The following DOCK3 variants were observed in gnomAD, a reference collection of about 807,000 sequenced individuals.
The protein encoded by DOCK3 is dedicator of cytokinesis 3.
Under a neutral mutation model 265.6 loss-of-function variants are expected in DOCK3, and 60 were observed. That is an observed-to-expected ratio of 0.23 (90% CI 0.18 to 0.28). The LOEUF (loss-of-function observed/expected upper bound fraction) is 0.28, where lower values mean the gene tolerates loss of function less well. Ranked by LOEUF, DOCK3 falls within the 10% of genes least tolerant of loss-of-function variation. The pLI is 1.00. For synonymous variants in DOCK3, 881 were observed against 938.0 expected, an observed-to-expected ratio of 0.94 and a Z score of 1.11; for missense variants, 1,981 against 2,594.3, an observed-to-expected ratio of 0.76 and a Z score of 5.14.
At chr3:50,889,332 CT>C (rs1466849469) in intron 3 of DOCK3, among the ~76,000 whole-genome samples, 1 of 151,924 alleles carries the variant, frequency 6.6e-6, no homozygotes, top group African/African-American at 2.4e-5. Flanking sequence ...AGTTCTCCCA[CT>C]TTAGGCTCCT....
chr3:51,220,709 GTATA>G lies in DOCK3; in HGVS notation c.1253-4919_1253-4916del, dbSNP rs3073874. ...TATATGTGTGTGTGTGTGTGTGTGTGTATATATATATATATATATATATAAAATA... is the reference window on the plus strand; with the variant it reads ...TATATGTGTGTGTGTGTGTGTGTGTGTATATATATATATATATATAAAATA... On this transcript the variant is annotated intron_variant, in intron 14 of 52. Coordinates refer to ENST00000266037, the MANE Select transcript of DOCK3 (RefSeq NM_004947.5). Among the ~76,000 whole-genome samples, 70 of 132,374 alleles carry G rather than the reference GTATA, an allele frequency of 5.3e-4. No homozygotes were observed. In the East Asian group the frequency reaches 9.3e-3, roughly 18 times the overall value. The allele number at this position is 132,374 out of a possible 152,430, so 86.8% of individuals were successfully genotyped here.
At chr3:51,065,232 G>T (rs1199081390) in intron 6 of DOCK3, among the ~76,000 whole-genome samples, 6 of 151,902 alleles carry the variant, frequency 3.9e-5, no homozygotes, top group Non-Finnish European at 8.8e-5. Context: ...TAAATTTCAG[G>T]TGCTTTTGTC....
intron 3 of DOCK3, among the ~76,000 whole-genome samples, chr3:50,858,370 A>G (rs2107473609): frequency 6.6e-6 from 1 of 151,970 alleles, no homozygotes; most frequent in South Asian, 2.1e-4. Flanking sequence ...CGACACATAT[A>G]TAAATATGTA....
intron 49 of DOCK3, 49 bp downstream of exon 49, chr3:51,362,723 T>A: frequency 6.3e-7 from 1 of 1,590,908 alleles, no homozygotes; most frequent in Non-Finnish European, 8.6e-7. Flanking sequence ...GAGGTCTTCA[T>A]CAACGCCACT....
At chr3:51,269,424 G>A (rs184229267) in intron 23 of DOCK3, among the ~76,000 whole-genome samples, 1 of 152,130 alleles carries the variant, frequency 6.6e-6, no homozygotes, top group Non-Finnish European at 1.5e-5. Flanking sequence ...GATATGTTTT[G>A]TTCTGATTCT....
intron 22 of DOCK3, among the ~76,000 whole-genome samples, chr3:51,249,795 C>T (rs1352182746): frequency 6.7e-4 from 96 of 144,314 alleles, no homozygotes; most frequent in Non-Finnish European, 1.1e-3. Context: ...TCATTGAGAA[C>T]GGGCCAGGAT....
chr3:50,992,461 C>T (rs1013282423), intron 5 of DOCK3, among the ~76,000 whole-genome samples: 1 of 152,098 alleles, frequency 6.6e-6, no homozygotes, highest in Non-Finnish European at 1.5e-5. Flanking sequence ...CCATGTCTGG[C>T]TAATTTTTTA....
intron 12 of DOCK3, among the ~76,000 whole-genome samples, chr3:51,169,250 A>G (rs4927959): frequency 0.91 from 138,850 of 152,238 alleles, 63,462 homozygotes; most frequent in African/African-American, 0.96. Flanking sequence ...ATACCCAAAG[A>G]AATATGAATT....
At chr3:51,020,583 C>T (rs1042646044) in intron 5 of DOCK3, among the ~76,000 whole-genome samples, 3 of 151,782 alleles carry the variant, frequency 2.0e-5, no homozygotes, top group Non-Finnish European at 4.4e-5. Context: ...GGTTGTCTTC[C>T]AGGGTTTTTA....
intron 2 of DOCK3, chr3:50,787,075 A>C (rs1014691097): frequency 1.4e-6 from 1 of 731,822 alleles, no homozygotes; most frequent in Non-Finnish European, 2.6e-6. Flanking sequence ...TGATATGTTC[A>C]TGAAGGATCC....
intron 12 of DOCK3, among the ~76,000 whole-genome samples, chr3:51,184,419 G>T (rs1167795307): frequency 6.6e-6 from 1 of 151,918 alleles, no homozygotes; most frequent in Non-Finnish European, 1.5e-5. Context: ...AGCAGAAAGT[G>T]CCAGAAAGCA....
At chr3:51,061,090 A>G (rs2081391816) in intron 5 of DOCK3, among the ~76,000 whole-genome samples, 1 of 152,214 alleles carries the variant, frequency 6.6e-6, no homozygotes, top group African/African-American at 2.4e-5. Context: ...GTGGAGAAAT[A>G]GGAACACTTT....
intron 27 of DOCK3, among the ~76,000 whole-genome samples, chr3:51,287,994 A>T (rs1268933782): frequency 6.6e-6 from 1 of 152,358 alleles, no homozygotes; most frequent in South Asian, 2.1e-4. Flanking sequence ...AGCAACATGG[A>T]TGGGGCTGGA....
At chr3:51,351,373 G>T (rs1452178813) in intron 40 of DOCK3, among the ~76,000 whole-genome samples, 2 of 152,158 alleles carry the variant, frequency 1.3e-5, no homozygotes, top group Non-Finnish European at 2.9e-5. Flanking sequence ...TAACAAGCTT[G>T]TTATCACATC....
intron 12 of DOCK3, among the ~76,000 whole-genome samples, chr3:51,173,147 GT>G (rs1381386869): frequency 6.6e-6 from 1 of 151,892 alleles, no homozygotes; most frequent in Non-Finnish European, 1.5e-5. Context: ...TTTAGACATA[GT>G]CTTACCCTGT....
intron 32 of DOCK3, among the ~76,000 whole-genome samples, chr3:51,317,266 A>C (rs1212376587): frequency 7.0e-6 from 1 of 143,030 alleles, no homozygotes; most frequent in East Asian, 2.0e-4. Context: ...ACCAATTGCC[A>C]AAAAAAAAAA....
chr3:50,969,092 T>A (rs1184515721), intron 5 of DOCK3, among the ~76,000 whole-genome samples: 3 of 152,150 alleles, frequency 2.0e-5, no homozygotes, highest in African/African-American at 7.2e-5. Context: ...AAGTTCCCCA[T>A]TGTTATTCTA....
intron 10 of DOCK3, among the ~76,000 whole-genome samples, chr3:51,154,428 G>A (rs950409986): frequency 1.3e-5 from 2 of 152,162 alleles, no homozygotes; most frequent in Admixed American, 6.6e-5. Context: ...GGAAAAGAAT[G>A]AAAGAAAGAA....
intron 3 of DOCK3, among the ~76,000 whole-genome samples, chr3:50,879,626 A>C (rs1025141150): frequency 6.6e-6 from 1 of 152,222 alleles, no homozygotes; most frequent in Non-Finnish European, 1.5e-5. Flanking sequence ...CCAGATTCAT[A>C]AAGCAAGTCC....
Sources: gnomAD v4.1 joint callset for allele counts (sites outside exome capture counted in the v4.1 genomes callset) on GRCh38, gnomAD v4.1.1 for gene constraint, MANE v1.5 for transcripts, NCBI Gene and HGNC (gene_info 2026-07-23, HGNC 2026-07-21) for gene names.